CFAP43: variants seen among roughly 807,000 people sequenced by gnomAD.
The protein encoded by CFAP43 is cilia and flagella associated protein 43.
In CFAP43, 155 loss-of-function variants were observed where a neutral mutation model predicts 218.9. That is an observed-to-expected ratio of 0.71 (90% CI 0.62 to 0.81). The LOEUF (loss-of-function observed/expected upper bound fraction) is 0.81. Ranked by LOEUF, CFAP43 falls within the 30% of genes least tolerant of loss-of-function variation. CFAP43 has a pLI of 0.00. For missense variants in CFAP43, 1,778 were observed against 1,954.3 expected (o/e 0.91, Z 1.70); for synonymous variants, 645 against 681.3 (o/e 0.95, Z 0.83).
intron 36 of CFAP43, among the ~76,000 whole-genome samples, chr10:104,131,853 C>T (rs902795837): frequency 2.0e-5 from 3 of 152,144 alleles, no homozygotes; most frequent in African/African-American, 7.2e-5. Context: ...TACATAAATC[C>T]TAACCTAATG....
intron 9 of CFAP43, 119 bp from the exon 10 acceptor site, chr10:104,197,052 G>A: frequency 1.5e-6 from 1 of 676,900 alleles, no homozygotes; most frequent in Non-Finnish European, 2.4e-6. Flanking sequence ...TTACTTACGT[G>A]GATTATAAAT....
intron 2 of CFAP43, among the ~76,000 whole-genome samples, chr10:104,226,510 G>T (rs576333304): frequency 1.1e-4 from 17 of 151,964 alleles, no homozygotes; most frequent in African/African-American, 4.1e-4. Flanking sequence ...AATTGAAGAT[G>T]ACCAACTTTA....
chr10:104,171,666 C>A (rs948152209), intron 20 of CFAP43, among the ~76,000 whole-genome samples: 2 of 152,186 alleles, frequency 1.3e-5, no homozygotes, highest in Non-Finnish European at 2.9e-5. Flanking sequence ...TTCAGAATAT[C>A]CTGTGTAAAA....
chr10:104,158,903 A>ATATATGT (rs1491498639), intron 27 of CFAP43, among the ~76,000 whole-genome samples: 1 of 152,022 alleles, frequency 6.6e-6, no homozygotes, highest in African/African-American at 2.4e-5. Context: ...TACATATACA[A>ATATATGT]TATATATATA....
intron 3 of CFAP43, among the ~76,000 whole-genome samples, chr10:104,221,116 C>T (rs372062983): frequency 1.2e-3 from 190 of 152,286 alleles, no homozygotes; most frequent in Middle Eastern, 3.4e-3. Context: ...GCTGGGATTA[C>T]AGGCACCCAC....
chr10:104,132,261 G>A, intron 35 of CFAP43, 65 bp from the exon 36 acceptor site: 15 of 1,190,082 alleles, frequency 1.3e-5, no homozygotes, highest in Non-Finnish European at 1.8e-5. Context: ...CTTTATAAAG[G>A]TTGTTTTAGC....
intron 27 of CFAP43, among the ~76,000 whole-genome samples, chr10:104,158,321 A>T (rs1457771619): frequency 1.3e-5 from 2 of 152,166 alleles, no homozygotes; most frequent in Non-Finnish European, 2.9e-5. Context: ...ATAACAAAGA[A>T]ATCTGGAGAA....
intron 17 of CFAP43, among the ~76,000 whole-genome samples, chr10:104,181,967 C>T (rs929162793): frequency 2.0e-5 from 3 of 152,190 alleles, no homozygotes; most frequent in African/African-American, 7.2e-5. Flanking sequence ...CTATATCCCC[C>T]ACAGCCTAGC....
chr10:104,223,405 A>C (rs1413071738), intron 3 of CFAP43, among the ~76,000 whole-genome samples: 1 of 152,246 alleles, frequency 6.6e-6, no homozygotes, highest in Non-Finnish European at 1.5e-5. Context: ...GCATACTTTT[A>C]GTCAATGAAT....
chr10:104,153,061 C>A (rs752405174), intron 27 of CFAP43, among the ~76,000 whole-genome samples: 2 of 152,146 alleles, frequency 1.3e-5, no homozygotes, highest in Non-Finnish European at 2.9e-5. Context: ...AATCTCCAGA[C>A]ACATGATTTA....
intron 34 of CFAP43, among the ~76,000 whole-genome samples, chr10:104,134,631 G>T (rs1006935853): frequency 2.0e-5 from 3 of 152,008 alleles, no homozygotes; most frequent in African/African-American, 7.2e-5. Context: ...AGGTAACTTA[G>T]ATGAAATAGA....
At chr10:104,200,758 G>A (rs1156629544) in intron 8 of CFAP43, among the ~76,000 whole-genome samples, 1 of 151,780 alleles carries the variant, frequency 6.6e-6, no homozygotes, top group Non-Finnish European at 1.5e-5. Context: ...TCCAGACAGA[G>A]GGAAAAGCCA....
chr10:104,190,202 T>G (rs2090167732), intron 12 of CFAP43, among the ~76,000 whole-genome samples: 1 of 137,108 alleles, frequency 7.3e-6, no homozygotes. Flanking sequence ...CTTTGGGGCA[T>G]AAACCTGTAG....
intron 3 of CFAP43, among the ~76,000 whole-genome samples, chr10:104,215,061 G>A (rs1379219107): frequency 6.6e-6 from 1 of 152,006 alleles, no homozygotes; most frequent in African/African-American, 2.4e-5. Flanking sequence ...CTTGAACCTG[G>A]GAGGCGGAGG....
chr10:104,162,713 A>T (rs1220708555), intron 24 of CFAP43, among the ~76,000 whole-genome samples: 2 of 151,368 alleles, frequency 1.3e-5, no homozygotes, highest in African/African-American at 4.9e-5. Context: ...ATTCTGAAGG[A>T]TGGGGGTCCT....
chr10:104,194,130 G>T, intron 10 of CFAP43, 116 bp from the exon 11 acceptor site: 2 of 1,205,606 alleles, frequency 1.7e-6, no homozygotes, highest in Non-Finnish European at 2.3e-6. Flanking sequence ...GGCAAGTGTT[G>T]TGTGGTGGGG....
intron 23 of CFAP43, among the ~76,000 whole-genome samples, chr10:104,165,576 GAT>G (rs1233389706): frequency 6.6e-6 from 1 of 152,114 alleles, no homozygotes; most frequent in Non-Finnish European, 1.5e-5. Flanking sequence ...CAGGAACAGG[GAT>G]TGCCAGCATT....
chr10:104,229,499 TAA>T (rs34183569), intron 2 of CFAP43, among the ~76,000 whole-genome samples: 7 of 97,762 alleles, frequency 7.2e-5, no homozygotes, highest in Admixed American at 1.1e-4. Flanking sequence ...GCCAAAAACA[TAA>T]AAAAAAAAAA....
intron 8 of CFAP43, chr10:104,203,380 A>G: frequency 2.7e-6 from 1 of 371,354 alleles, no homozygotes; most frequent in Non-Finnish European, 4.8e-6. Flanking sequence ...ATGGAAATGG[A>G]GGCAGCAGAG....
Sources: allele counts gnomAD v4.1 joint callset (sites outside exome capture counted in the v4.1 genomes callset), GRCh38; gene constraint gnomAD v4.1.1; transcripts MANE v1.5; gene names NCBI Gene and HGNC (gene_info 2026-07-23, HGNC 2026-07-21).